Variants in AGBL4 observed in about 807,000 individuals in gnomAD.
AGBL4 encodes the protein cytosolic carboxypeptidase 6.
A neutral mutation model predicts 66.4 loss-of-function variants in AGBL4; 58 were observed. The ratio of observed to expected loss-of-function variants is 0.87; its 90% CI spans 0.71 to 1.09. The LOEUF (loss-of-function observed/expected upper bound fraction) is 1.09, where lower values mean the gene tolerates loss of function less well. Among genes scored for constraint, AGBL4 ranks in the 50% least tolerant of loss-of-function variants. The pLI is 0.00. For missense variants in AGBL4, 579 were observed against 631.0 expected (o/e 0.92, Z 0.88); for synonymous variants, 234 against 222.9 (o/e 1.05, Z -0.44).
chr1:49,223,855 A>T (rs1309405491), intron 4 of AGBL4, among the ~76,000 whole-genome samples: 1 of 152,170 alleles, frequency 6.6e-6, no homozygotes, highest in African/African-American at 2.4e-5. Flanking sequence ...CTTCCCCTTG[A>T]TGTCTGCCCA....
At chr1:49,361,610 GC>G (rs1314792725) in intron 3 of AGBL4, among the ~76,000 whole-genome samples, 2 of 152,198 alleles carry the variant, frequency 1.3e-5, no homozygotes, top group Non-Finnish European at 2.9e-5. Flanking sequence ...ACAGGCATGA[GC>G]CACCGTACCT....
At chr1:49,676,069 T>C (rs12135410) in intron 3 of AGBL4, among the ~76,000 whole-genome samples, 14,356 of 152,042 alleles carry the variant, frequency 0.094, 907 homozygotes, top group African/African-American at 0.17. Flanking sequence ...GGGGTAAGGA[T>C]GCTAAGGATT....
intron 3 of AGBL4, among the ~76,000 whole-genome samples, chr1:49,649,695 T>C (rs150110820): frequency 1.1e-4 from 16 of 152,268 alleles, no homozygotes; most frequent in Non-Finnish European, 2.1e-4. Context: ...ATATACATTC[T>C]TCTCAAGCTC....
chr1:49,523,463 G>A (rs1472156156), intron 3 of AGBL4, among the ~76,000 whole-genome samples: 1 of 152,002 alleles, frequency 6.6e-6, no homozygotes, highest in Non-Finnish European at 1.5e-5. Flanking sequence ...GCTTTGTGTA[G>A]CACTGGACCT....
At chr1:49,427,077 GAAGT>G (rs1324503171) in intron 3 of AGBL4, among the ~76,000 whole-genome samples, 2 of 152,002 alleles carry the variant, frequency 1.3e-5, no homozygotes, top group Admixed American at 6.6e-5. Context: ...TTTATTTTTT[GAAGT>G]AAGAAGGAAA....
At chr1:48,653,485 A>C in intron 7 of AGBL4, 34 bp from the exon 8 acceptor site, 1 of 1,432,912 alleles carries the variant, frequency 7.0e-7, no homozygotes, top group Non-Finnish European at 9.5e-7. Context: ...TTAACAACAA[A>C]GCATTTCAAG....
intron 3 of AGBL4, among the ~76,000 whole-genome samples, chr1:49,362,657 C>A (rs1041828809): frequency 3.9e-5 from 6 of 152,076 alleles, no homozygotes; most frequent in African/African-American, 1.4e-4. Context: ...TCTACACCAA[C>A]AATTTCAATG....
chr1:48,727,363 T>C (rs1255169720), intron 6 of AGBL4, among the ~76,000 whole-genome samples: 2 of 152,174 alleles, frequency 1.3e-5, no homozygotes, highest in African/African-American at 4.8e-5. Flanking sequence ...GAGACAGCCC[T>C]TCAGATCTGT....
chr1:49,332,790 T>G (rs989042577), intron 3 of AGBL4, among the ~76,000 whole-genome samples: 3 of 152,176 alleles, frequency 2.0e-5, no homozygotes, highest in Admixed American at 1.3e-4. Context: ...AAAAACTATT[T>G]TAAAAACATA....
chr1:49,038,481 C>T (rs979610911), intron 5 of AGBL4, among the ~76,000 whole-genome samples: 2 of 151,904 alleles, frequency 1.3e-5, no homozygotes, highest in East Asian at 3.9e-4. Flanking sequence ...AAAGAAAAAA[C>T]AAAACTATAT....
At chr1:48,980,002 T>C (rs1263925895) in intron 5 of AGBL4, among the ~76,000 whole-genome samples, 1 of 152,182 alleles carries the variant, frequency 6.6e-6, no homozygotes, top group Non-Finnish European at 1.5e-5. Context: ...TAGTATTTAT[T>C]ATGTCTATAG....
At chr1:48,986,448 A>G (rs1258151809) in intron 5 of AGBL4, among the ~76,000 whole-genome samples, 1 of 152,070 alleles carries the variant, frequency 6.6e-6, no homozygotes, top group Admixed American at 6.6e-5. Context: ...ACCGAGAAAC[A>G]ACGATAAAGA....
At chr1:48,549,321 A>G (rs2798097) in intron 11 of AGBL4, among the ~76,000 whole-genome samples, 151,137 of 152,334 alleles carry the variant, frequency 0.99, 74,987 homozygotes, top group Non-Finnish European at 1. Flanking sequence ...CCACAGTGTC[A>G]GACAAGTGCA....
At chr1:49,148,110 A>G (rs921279333) in intron 4 of AGBL4, among the ~76,000 whole-genome samples, 1 of 152,224 alleles carries the variant, frequency 6.6e-6, no homozygotes, top group African/African-American at 2.4e-5. Flanking sequence ...TCTTCATATC[A>G]TCAATGGAGA....
chr1:48,554,578 G>A (rs1190327240), intron 11 of AGBL4, among the ~76,000 whole-genome samples: 1 of 152,038 alleles, frequency 6.6e-6, no homozygotes, highest in Admixed American at 6.5e-5. Context: ...CCAATCTTTA[G>A]GACCCTCATG....
chr1:49,292,260 C>G (rs1436451996), intron 3 of AGBL4, among the ~76,000 whole-genome samples: 1 of 152,204 alleles, frequency 6.6e-6, no homozygotes, highest in East Asian at 1.9e-4. Context: ...CTGAGGGCAG[C>G]TCATCACTGG....
chr1:49,396,746 A>G (rs1644982999), intron 3 of AGBL4, among the ~76,000 whole-genome samples: 1 of 152,158 alleles, frequency 6.6e-6, no homozygotes, highest in East Asian at 1.9e-4. Context: ...CACTGTTGGC[A>G]AACTATTTGA....
chr1:48,631,750 C>A (rs932397011), intron 9 of AGBL4, among the ~76,000 whole-genome samples: 2 of 151,980 alleles, frequency 1.3e-5, no homozygotes, highest in Non-Finnish European at 2.9e-5. Context: ...AGAACAATTT[C>A]GGGAGTGAAA....
At chr1:49,687,225 C>G (rs546378621) in intron 3 of AGBL4, among the ~76,000 whole-genome samples, 1 of 152,174 alleles carries the variant, frequency 6.6e-6, no homozygotes, top group Non-Finnish European at 1.5e-5. Context: ...AAACCCTGGA[C>G]AAAACCACAG....
Sources: allele counts gnomAD v4.1 joint callset (sites outside exome capture counted in the v4.1 genomes callset), GRCh38; gene constraint gnomAD v4.1.1; transcripts MANE v1.5; gene names NCBI Gene and HGNC (gene_info 2026-07-23, HGNC 2026-07-21).